Variants in LTN1 observed in about 807,000 individuals in gnomAD.
The protein encoded by LTN1 is listerin E3 ubiquitin protein ligase 1.
LTN1 carries 88 observed loss-of-function variants against 201.2 expected under a neutral mutation model. The observed-to-expected ratio is 0.44, with a 90% CI of 0.37 to 0.52. The LOEUF is 0.52. LTN1 is among the 20% of genes least tolerant of loss of function. LTN1 has a pLI of 0.00. For synonymous variants in LTN1, 645 were observed against 713.5 expected (o/e 0.90, Z 1.53); for missense variants, 1,752 against 2,038.7 (o/e 0.86, Z 2.71).
chr21:28,931,066 GGTGTGT>G (rs10608923), intron 29 of LTN1, 83 bp downstream of exon 29: 11,973 of 567,490 alleles, frequency 0.021, 29 homozygotes, highest in East Asian at 0.1. Flanking sequence ...ACATTGTGTA[GGTGTGT>G]GTGTGTGTGT....
chr21:28,981,377 GT>G, intron 5 of LTN1, 78 bp from the exon 6 acceptor site: 1 of 778,956 alleles, frequency 1.3e-6, no homozygotes, highest in Non-Finnish European at 1.8e-6. Context: ...TATTTAAAAT[GT>G]TTTATCATTA....
chr21:28,948,058 G>A (rs1244877221), intron 18 of LTN1, among the ~76,000 whole-genome samples: 3 of 150,094 alleles, frequency 2.0e-5, no homozygotes, highest in Non-Finnish European at 4.4e-5. Flanking sequence ...CGGGTGTGGT[G>A]GCAGGCACCT....
At chr21:28,934,959 A>C in intron 27 of LTN1, 150 bp downstream of exon 27, 1 of 615,514 alleles carries the variant, frequency 1.6e-6, no homozygotes. Context: ...TGGCCTCCCA[A>C]AGCGTTGGGA....
rs112762094 is a variant in LTN1 at position 28,979,960 on chromosome 21, G to T, written c.810+1159C>A. 8.3e-3 allele frequency among the ~76,000 whole-genome samples: 1,257 copies of T among 152,170 alleles called. 22 individuals are homozygous for T. Among genetic ancestry groups the T allele is most frequent in the African/African-American group, 0.029 (1,201 of 41,532 alleles). On this transcript the variant is annotated intron_variant, in intron 6 of 29. Coordinates refer to ENST00000361371, the MANE Select transcript of LTN1 (RefSeq NM_015565.3). ...GCACTCCAACCTGGGTGACAAGAGCGAAACTCCATCTGGAAAAATAAACAA... is the reference window on the plus strand; with the variant it reads ...GCACTCCAACCTGGGTGACAAGAGCTAAACTCCATCTGGAAAAATAAACAA...
chr21:28,969,414 A>C, intron 9 of LTN1, 52 bp downstream of exon 9: 1 of 1,479,208 alleles, frequency 6.8e-7, no homozygotes, highest in Admixed American at 2.3e-5. Context: ...AATGAGCTTG[A>C]TCCTACATAA....
intron 16 of LTN1, among the ~76,000 whole-genome samples, chr21:28,954,852 G>A (rs1027824922): frequency 2.0e-5 from 3 of 152,110 alleles, no homozygotes; most frequent in African/African-American, 7.2e-5. Context: ...AAGCATCAAG[G>A]AACGCTATAG....
intron 25 of LTN1, among the ~76,000 whole-genome samples, chr21:28,938,342 C>G (rs950637183): frequency 1.3e-5 from 2 of 151,808 alleles, no homozygotes; most frequent in Non-Finnish European, 2.9e-5. Flanking sequence ...TCAAGTAGAT[C>G]AGCAGAAAAA....
Position 28,941,206 on chromosome 21 carries a change from A to C in LTN1, c.4482+14T>G, listed in dbSNP as rs1404474958. On this transcript the variant is annotated intron_variant, in intron 25 of 29. Transcript: ENST00000361371. The stretch of plus-strand genomic sequence containing the variant: ...TAGGACAGAACTATCGAAAGTTGTC[A>C]CATATTTATTTACCTGTGATGATGC... The C allele has an allele frequency of 6.3e-7, 1 of 1,595,458 alleles. No individual in the cohort carries two copies. The highest frequency in any genetic ancestry group is 1.7e-5 in the Admixed American group (1 of 58,290).
intron 9 of LTN1, among the ~76,000 whole-genome samples, chr21:28,968,667 G>A (rs909746424): frequency 1.3e-5 from 2 of 151,626 alleles, no homozygotes; most frequent in African/African-American, 4.8e-5. Flanking sequence ...AGGCTGGAGT[G>A]CAATGGCACA....
chr21:28,953,433 T>C (rs2084399864), intron 16 of LTN1, 57 bp from the exon 17 acceptor site: 1 of 1,253,472 alleles, frequency 8.0e-7, no homozygotes, highest in East Asian at 2.5e-5. Flanking sequence ...AACCCTTCAA[T>C]TACTTTCACT....
intron 26 of LTN1, 87 bp downstream of exon 26, chr21:28,936,439 T>A (rs1189090075): frequency 3.6e-6 from 4 of 1,109,372 alleles, no homozygotes; most frequent in Non-Finnish European, 5.1e-6. Context: ...CCTTTGGGGT[T>A]ATTCTCCACA....
chr21:28,985,480 A>T (rs1787454643), intron 3 of LTN1, among the ~76,000 whole-genome samples: 1 of 151,626 alleles, frequency 6.6e-6, no homozygotes, highest in African/African-American at 2.4e-5. Flanking sequence ...AAAAAAAAAA[A>T]AGTTGGGTCT....
Position 28,966,946 on chromosome 21 carries a change from T to C in LTN1, c.1545A>G (p.Val515=), listed in dbSNP as rs775245954. Residue 515 remains valine (V), a synonymous_variant, in exon 10 of 30, where the codon GTA becomes GTG. Coordinates refer to ENST00000361371, the MANE Select transcript of LTN1 (RefSeq NM_015565.3). ...PEADVESVLG[V]SNLLQVLQKP... ...TCTGAAGCACCTGTAATAGGTTAGATACACCCAAAACGGACTCAACATCAG... is the reference window on the plus strand; with the variant it reads ...TCTGAAGCACCTGTAATAGGTTAGACACACCCAAAACGGACTCAACATCAG... 2 of 1,614,032 alleles carry C rather than the reference T, an allele frequency of 1.2e-6. No homozygotes were observed. Among genetic ancestry groups the C allele is most frequent in the South Asian group, 1.1e-5 (1 of 91,040 alleles).
chr21:28,943,612 T>C (rs1021374764), intron 23 of LTN1, 55 bp downstream of exon 23: 10 of 1,284,352 alleles, frequency 7.8e-6, no homozygotes, highest in Non-Finnish European at 1.1e-5. Context: ...AAACTAAGCA[T>C]ATATTCTATT....
rs757239129 is a variant in LTN1 at position 28,966,988 on chromosome 21, T to C, written c.1503A>G (p.Lys501=). 2 of 1,614,016 alleles carry C rather than the reference T, an allele frequency of 1.2e-6. No individual in the cohort carries two copies. ...WERLSEICVA[K]ISEPEADVES... is the part of the protein sequence containing the mutation. ...CAACATCAGCTTCTGGCTCACTGAT[T>C]TTCGCAACACAGATCTCTGACAGTC... The change falls in exon 10 of 30, where the codon AAA becomes AAG. Residue 501 remains lysine, a synonymous_variant. Transcript: ENST00000361371.
In LTN1 at chr21:28,947,509, G is replaced by A. The variant is rs779365637; in HGVS notation, c.3442C>T (p.Pro1148Ser). 3 of 1,579,422 alleles carry A rather than the reference G, an allele frequency of 1.9e-6. No homozygotes were observed. Among genetic ancestry groups the A allele is most frequent in the East Asian group, 2.3e-5 (1 of 43,560 alleles). The change falls in exon 19 of 30, where the codon CCT (proline) becomes TCT (serine). Residue 1148 changes from proline (P) to serine (S), a missense_variant. By Grantham distance (74) the Pro-to-Ser change is moderately conservative. Transcript: ENST00000361371. ...EKKEFSAQCIPALLGWTKKDL... is the reference protein window; with the variant it reads ...EKKEFSAQCISALLGWTKKDL... ...TTCTTAGTCCAGCCCAAAAGAGCAG[G>A]TATACATTGAGCACTAAATTCTTTC...
Position 28,930,258 on chromosome 21 carries a change from C to A in LTN1, c.*190G>T. 1 of 407,900 alleles carries A rather than the reference C, an allele frequency of 2.5e-6. No individual in the cohort carries two copies. The allele number at this position is 407,900 out of a possible 1,614,324, so 25.3% of individuals were successfully genotyped here. ...TCTTTTGTAAAAGAAAGTTTCCAAACATTTACAAAGCAATCTAAAGTTAAG... is the reference window on the plus strand; with the variant it reads ...TCTTTTGTAAAAGAAAGTTTCCAAAAATTTACAAAGCAATCTAAAGTTAAG... On this transcript the variant is annotated 3_prime_UTR_variant, in exon 30 of 30. Transcript: ENST00000361371.
In LTN1 at chr21:28,956,837, C is replaced by CTGAAGTACACAAATGGCTGGGAAG; in HGVS notation, c.2980_3003dup (p.Leu994_Ser1001dup). 6.2e-7 allele frequency: 1 copy of CTGAAGTACACAAATGGCTGGGAAG among 1,611,928 alleles called. No homozygotes were observed. The highest frequency in any genetic ancestry group is 8.5e-7 in the Non-Finnish European group (1 of 1,178,620). On this transcript the variant is annotated inframe_insertion, in exon 16 of 30. Coordinates refer to ENST00000361371, the MANE Select transcript of LTN1 (RefSeq NM_015565.3). ...ATTAAGACCATTTTGCTCAATAATG[C>CTGAAGTACACAAATGGCTGGGAAG]TGAAGTACACAAATGGCTGGGAAGT... is the stretch of plus-strand genomic sequence containing the variant.
Position 28,931,292 on chromosome 21 carries a change from A to T in LTN1, c.5101T>A (p.Trp1701Arg), listed in dbSNP as rs2084209259. 1 of 1,612,484 alleles carries T rather than the reference A, an allele frequency of 6.2e-7. No homozygotes were observed. Among genetic ancestry groups the T allele is most frequent in the Non-Finnish European group, 8.5e-7 (1 of 1,179,128 alleles). The change falls in exon 29 of 30, where the codon TGG (tryptophan) becomes AGG (arginine). Residue 1701 changes from tryptophan (W) to arginine (R), a missense_variant. By Grantham distance (101) the Trp-to-Arg change is moderately radical. This residue lies in a region of LTN1 where 261 missense variants were observed against 350.1 expected (regional missense o/e 0.75). Coordinates refer to ENST00000361371, the MANE Select transcript of LTN1 (RefSeq NM_015565.3). The stretch of plus-strand genomic sequence containing the variant: ...AAACGTTTGTCTACGTTATTTTTCC[A>T]TAAAGCTAAGCCTTCCATAATACTT... ...NGSIMEGLAL[W>R]KNNVDKRFEG...
Sources: gnomAD v4.1 joint callset for allele counts (sites outside exome capture counted in the v4.1 genomes callset) on GRCh38, gnomAD v4.1.1 for gene constraint, gnomAD v4.1.1 regional missense constraint, MANE v1.5 for transcripts, NCBI Gene and HGNC (gene_info 2026-07-23, HGNC 2026-07-21) for gene names.